Variants in PDLIM3 observed in about 807,000 individuals in gnomAD.
PDLIM3 encodes PDZ and LIM domain 3, also known as PDZ and LIM domain protein 3.
PDLIM3 carries 36 observed loss-of-function variants against 37.3 expected under a neutral mutation model. The ratio of observed to expected loss-of-function variants is 0.97; its 90% confidence interval spans 0.74 to 1.28. The LOEUF is 1.28. Ranked by LOEUF, PDLIM3 falls within the 50% of genes most tolerant of loss-of-function variation. The pLI is 0.00. For missense variants in PDLIM3, 454 were observed against 485.0 expected, an observed-to-expected ratio of 0.94 and a Z score of 0.60; for synonymous variants, 174 against 182.4, an observed-to-expected ratio of 0.95 and a Z score of 0.37.
rs995143925 is a variant in PDLIM3 at position 185,507,848 on chromosome 4, A to C, written c.662+451T>G. 1.5e-4 allele frequency among the ~76,000 whole-genome samples: 23 copies of C among 152,210 alleles called. 1 individual carries two copies. The highest frequency in any genetic ancestry group is 1.2e-3 in the East Asian group (6 of 5,190). ...ACAAGCTGCTATCAGAAGAGAGAAG[A>C]ATCATCTCATAAAATTCCTCTAAAC... On this transcript the variant is annotated intron_variant, in intron 5 of 7. Transcript: ENST00000284767.
rs1195532688 is a variant in PDLIM3 at position 185,514,730 on chromosome 4, C to T, written c.331-393G>A. 19 of 1,551,938 alleles carry T rather than the reference C, an allele frequency of 1.2e-5. No homozygotes were observed. Among genetic ancestry groups the T allele is most frequent in the South Asian group, 7.1e-5 (6 of 84,048 alleles). On this transcript the variant is annotated intron_variant, in intron 3 of 7. Coordinates refer to ENST00000284767, the MANE Select transcript of PDLIM3 (RefSeq NM_014476.6). The surrounding 1 kb of genome is among the most constrained non-coding windows in gnomAD (Gnocchi z 4.0). ...TTGAGGTGAGCTAGGAATGAGACCC[C>T]GCAGCTGTCCGTGAAGCGCATCTTG...
intron 3 of PDLIM3, chr4:185,516,599 CA>C (rs1181564374): frequency 6.6e-6 from 1 of 152,216 alleles, no homozygotes; most frequent in African/African-American, 2.4e-5. Context: ...ACCCCAGCTA[CA>C]AAACGCTTTC....
intron 3 of PDLIM3, among the ~76,000 whole-genome samples, chr4:185,519,513 C>T (rs2095719631): frequency 6.6e-6 from 1 of 152,058 alleles, no homozygotes; most frequent in Non-Finnish European, 1.5e-5. Context: ...TCTCAAACTC[C>T]TGACCTCAGG....
chr4:185,514,964 C>T lies in PDLIM3; in HGVS notation c.331-627G>A, dbSNP rs2095712700. ...CATTAGTGAGCGAAACCAACAGCAT[C>T]ACTACTGTTAATAAAGGCATCTTTA... On this transcript the variant is annotated intron_variant, in intron 3 of 7. Transcript: ENST00000284767. This position sits in a 1 kb window ranked among gnomAD's most constrained non-coding sequence, Gnocchi z 4.0. The T allele has an allele frequency of 8.4e-7, 1 of 1,191,034 alleles. No individual in the cohort carries two copies. The highest frequency in any genetic ancestry group is 1.2e-6 in the Non-Finnish European group (1 of 857,386). 73.8% of individuals were successfully genotyped at this position (1,191,034 alleles called of 1,614,324 possible).
chr4:185,531,116 A>G (rs1200781403), intron 1 of PDLIM3, among the ~76,000 whole-genome samples: 1 of 152,182 alleles, frequency 6.6e-6, no homozygotes, highest in Non-Finnish European at 1.5e-5. Context: ...TATATTCCAT[A>G]TTGAAATCTT....
intron 1 of PDLIM3, among the ~76,000 whole-genome samples, chr4:185,525,757 A>G (rs1359522625): frequency 6.6e-6 from 1 of 152,156 alleles, no homozygotes; most frequent in Non-Finnish European, 1.5e-5. Context: ...CCCTTATGAA[A>G]AAGGCCTCAG....
chr4:185,510,828 G>A (rs536869762), intron 4 of PDLIM3, among the ~76,000 whole-genome samples: 21 of 152,296 alleles, frequency 1.4e-4, no homozygotes, highest in African/African-American at 4.8e-4. Flanking sequence ...AAGCAAACAA[G>A]AATGAACTTT....
rs57491267 is a variant in PDLIM3 at position 185,509,918 on chromosome 4, A to AT, written c.399-1357dup. The stretch of plus-strand genomic sequence containing the variant: ...AACTCATGTCACTAAATGGGTTTAA[A>AT]TTTTTTTTTTTTTGTCTTGTGCTAT... On this transcript the variant is annotated intron_variant, in intron 4 of 7. Coordinates refer to ENST00000284767, the MANE Select transcript of PDLIM3 (RefSeq NM_014476.6). 5.0e-4 allele frequency among the ~76,000 whole-genome samples: 75 copies of AT among 150,320 alleles called. 2 individuals are homozygous for AT. Among genetic ancestry groups the AT allele is most frequent in the African/African-American group, 9.0e-4 (37 of 40,886 alleles).
At chr4:185,533,786 T>C (rs912400888) in intron 1 of PDLIM3, among the ~76,000 whole-genome samples, 1 of 152,218 alleles carries the variant, frequency 6.6e-6, no homozygotes, top group Non-Finnish European at 1.5e-5. Context: ...ATTAATTATA[T>C]TGACATACGA....
In PDLIM3 at chr4:185,514,792, A is replaced by G. The variant is rs1256879930; in HGVS notation, c.331-455T>C. The G allele has an allele frequency of 6.4e-7, 1 of 1,551,862 alleles. No homozygotes were observed. Among genetic ancestry groups the G allele is most frequent in the Non-Finnish European group, 8.7e-7 (1 of 1,147,004 alleles). On this transcript the variant is annotated intron_variant, in intron 3 of 7. Coordinates refer to ENST00000284767, the MANE Select transcript of PDLIM3 (RefSeq NM_014476.6). This position sits in a 1 kb window ranked among gnomAD's most constrained non-coding sequence, Gnocchi z 4.0. Reference sequence around the variant, plus strand: ...TTGAATAGAGCCCAATTGGCGAGTTATAGGAAGCGCTCACTACCTGTCTTT... The same window carrying G: ...TTGAATAGAGCCCAATTGGCGAGTTGTAGGAAGCGCTCACTACCTGTCTTT...
At position 185,525,139 on chromosome 4, in the gene PDLIM3, G is replaced by C. The variant is rs2095730960; in HGVS notation, c.126C>G (p.Asn42Lys). The change falls in exon 2 of 8, where the codon AAC becomes AAG. Residue 42 changes from asparagine to lysine, a missense_variant. Physicochemically the swap from Asn to Lys is moderately conservative, Grantham distance 94. Transcript: ENST00000284767. ...ITPGSKAAAA[N>K]LCPGDVILAI... The stretch of plus-strand genomic sequence containing the variant: ...CCAGGATGACATCTCCAGGACACAG[G>C]TTGGCAGCTGCCGCCTTGCTTCCTG... The C allele has an allele frequency of 6.2e-7, 1 of 1,614,080 alleles. No homozygotes were observed. Among genetic ancestry groups the C allele is most frequent in the African/African-American group, 1.3e-5 (1 of 74,940 alleles).
chr4:185,509,643 T>G (rs2095703584), intron 4 of PDLIM3, among the ~76,000 whole-genome samples: 1 of 152,174 alleles, frequency 6.6e-6, no homozygotes, highest in South Asian at 2.1e-4. Flanking sequence ...AAAAGAAATA[T>G]TAGTATTAAT....
chr4:185,513,915 T>C (rs1376945605), intron 4 of PDLIM3: 5 of 1,194,520 alleles, frequency 4.2e-6, no homozygotes, highest in Non-Finnish European at 4.2e-6. Context: ...CTGGTTTCCA[T>C]GCTCGCTCCT....
chr4:185,529,846 G>A (rs936391418), intron 1 of PDLIM3, among the ~76,000 whole-genome samples: 3 of 152,212 alleles, frequency 2.0e-5, no homozygotes, highest in Admixed American at 6.5e-5. Context: ...CCCACATCCC[G>A]AGAAAACCTG....
rs2095703089 is a variant in PDLIM3 at position 185,509,370 on chromosome 4, T to C, written c.399-808A>G. 2.0e-5 allele frequency among the ~76,000 whole-genome samples: 3 copies of C among 152,214 alleles called. No homozygotes were observed. In the South Asian group the frequency reaches 6.2e-4, roughly 31 times the overall value. ...GATGCTTATATTTCTTACATAGCTA[T>C]TTTATGCACAATTTCAGAAGCACGC... On this transcript the variant is annotated intron_variant, in intron 4 of 7. Coordinates refer to ENST00000284767, the MANE Select transcript of PDLIM3 (RefSeq NM_014476.6).
rs61462356 is a variant in PDLIM3, at chr4:185,529,627, A to G, written c.94-4456T>C. Among the ~76,000 whole-genome samples the G allele has an allele frequency of 7.4e-3, 1,122 of 152,306 alleles. 14 individuals carry two copies. Among genetic ancestry groups the G allele is most frequent in the African/African-American group, 0.026 (1,076 of 41,566 alleles). On this transcript the variant is annotated intron_variant, in intron 1 of 7. Coordinates refer to ENST00000284767, the MANE Select transcript of PDLIM3 (RefSeq NM_014476.6). ...TCTAGAGCCACACCCCACACCGGTT[A>G]TATTAGAATCTCTGCATGCACCTGG...
chr4:185,506,464 C>T lies in PDLIM3; in HGVS notation c.793+58G>A, dbSNP rs541575425. ...CCAGTATGTTTGCTGTCGTCCCCGT[C>T]CCGCCCCCTGCAGTGGCCTCTATCA... On this transcript the variant is annotated intron_variant, in intron 6 of 7. Coordinates refer to ENST00000284767, the MANE Select transcript of PDLIM3 (RefSeq NM_014476.6). 18 of 1,607,692 alleles carry T rather than the reference C, an allele frequency of 1.1e-5. No individual in the cohort carries two copies. The African/African-American group carries it at 2.4e-4, about 21-fold the overall frequency.
Position 185,504,473 on chromosome 4 carries a change from AC to A in PDLIM3, c.905+1del. 6.2e-7 allele frequency: 1 copy of A among 1,607,768 alleles called. No individual in the cohort carries two copies. The highest frequency in any genetic ancestry group is 8.5e-7 in the Non-Finnish European group (1 of 1,174,146). ...AATTCCAGGGTTAAAAGTGAAACTT[AC>A]ACTATGCCACTCCCACATTTGTCAC... is the stretch of plus-strand genomic sequence containing the variant. On this transcript the variant is annotated splice_donor_variant, in intron 7 of 7. Coordinates refer to ENST00000284767, the MANE Select transcript of PDLIM3 (RefSeq NM_014476.6). LOFTEE classifies it high-confidence loss of function. This position sits in a 1 kb window ranked among gnomAD's most constrained non-coding sequence, Gnocchi z 4.7.
intron 5 of PDLIM3, 111 bp downstream of exon 5, chr4:185,508,187 AG>A (rs1473806807): frequency 2.8e-6 from 3 of 1,075,730 alleles, no homozygotes; most frequent in African/African-American, 3.1e-5. Context: ...ATTTTAAAAA[AG>A]CTTTTCACAT....
Sources: gnomAD v4.1 joint callset for allele counts (sites outside exome capture counted in the v4.1 genomes callset) on GRCh38, gnomAD v4.1.1 for gene constraint, Gnocchi (gnomAD v3.1) non-coding constraint, MANE v1.5 for transcripts, NCBI Gene and HGNC (gene_info 2026-07-23, HGNC 2026-07-21) for gene names.